The following MAGI1 variants were observed in gnomAD, a reference collection of about 807,000 sequenced individuals.
MAGI1 encodes membrane associated guanylate kinase, WW and PDZ domain containing 1, also known as membrane-associated guanylate kinase, WW and PDZ domain-containing protein 1.
A neutral mutation model predicts 139.9 loss-of-function variants in MAGI1; 58 were observed. The observed-to-expected ratio is 0.41, with a 90% CI of 0.34 to 0.52. MAGI1 has a LOEUF of 0.52. MAGI1 is among the 20% of genes least tolerant of loss of function. The probability of loss-of-function intolerance (pLI) is 0.12; values close to 1 mark genes in which losing one functional copy is unlikely to be tolerated. For missense variants in MAGI1, 1,874 were observed against 1,901.6 expected (o/e 0.99, Z 0.27); for synonymous variants, 812 against 737.9 (o/e 1.10, Z -1.63).
At chr3:65,642,920 G>A (rs2085060532) in intron 1 of MAGI1, among the ~76,000 whole-genome samples, 1 of 152,232 alleles carries the variant, frequency 6.6e-6, no homozygotes, top group Admixed American at 6.5e-5. Flanking sequence ...TTTGAGTGGT[G>A]CAAGCCAAAT....
intron 1 of MAGI1, among the ~76,000 whole-genome samples, chr3:65,907,935 C>T (rs1575975485): frequency 1.3e-5 from 2 of 152,300 alleles, no homozygotes; most frequent in Non-Finnish European, 2.9e-5. Flanking sequence ...ACCCCGGCTC[C>T]ATCACTCTCT....
intron 1 of MAGI1, among the ~76,000 whole-genome samples, chr3:65,930,315 C>CAAAAAAAAAAAAAAAAAAA (rs58258730): frequency 8.0e-5 from 7 of 87,628 alleles, no homozygotes; most frequent in Non-Finnish European, 1.6e-4. Context: ...GACTCCGTCT[C>CAAAAAAAAAAAAAAAAAAA]AAAAAAAAAA....
intron 1 of MAGI1, among the ~76,000 whole-genome samples, chr3:65,918,775 G>C (rs916424431): frequency 9.9e-5 from 15 of 152,068 alleles, no homozygotes; most frequent in African/African-American, 3.6e-4. Context: ...ATTATTGTTT[G>C]CTTAAATTCA....
At chr3:65,504,402 G>A (rs2107713812) in intron 2 of MAGI1, among the ~76,000 whole-genome samples, 1 of 152,320 alleles carries the variant, frequency 6.6e-6, no homozygotes, top group African/African-American at 2.4e-5. Context: ...CTATAAAGTA[G>A]TTAATATTAT....
chr3:66,038,360 C>G lies in MAGI1; in HGVS notation c.-52G>C. 1 of 1,506,932 alleles carries G rather than the reference C, an allele frequency of 6.6e-7. No individual in the cohort carries two copies. The highest frequency in any genetic ancestry group is 1.3e-5 in the South Asian group (1 of 75,606). 93.3% of individuals were successfully genotyped at this position (1,506,932 alleles called of 1,614,324 possible). A position where few individuals can be genotyped will look rare whatever the true frequency, so the allele number is the denominator to read the frequency against. On this transcript the variant is annotated 5_prime_UTR_variant, in exon 1 of 23. Transcript: ENST00000402939. ...AATAAAACGAGAGACAGGTGCCCCC[C>G]ACAGCACGAGCCCCCAAGCCTCCGC...
At chr3:66,008,816 G>C (rs1195142198) in intron 1 of MAGI1, 2 of 152,450 alleles carry the variant, frequency 1.3e-5, no homozygotes, top group Admixed American at 6.5e-5. Flanking sequence ...AAGCTGGCCG[G>C]GGGGCAGGGG....
intron 1 of MAGI1, among the ~76,000 whole-genome samples, chr3:65,753,133 T>C (rs2036285339): frequency 6.6e-6 from 1 of 152,134 alleles, no homozygotes; most frequent in Non-Finnish European, 1.5e-5. Flanking sequence ...ACACCAAAGA[T>C]GGCAGAGACC....
intron 14 of MAGI1, among the ~76,000 whole-genome samples, chr3:65,385,161 A>G (rs1256351843): frequency 2.6e-5 from 4 of 152,216 alleles, no homozygotes; most frequent in Non-Finnish European, 5.9e-5. Context: ...TTTAAAATGA[A>G]TATCTTGTTT....
At chr3:65,840,738 T>C (rs1274175571) in intron 1 of MAGI1, among the ~76,000 whole-genome samples, 1 of 152,116 alleles carries the variant, frequency 6.6e-6, no homozygotes, top group East Asian at 1.9e-4. Context: ...CTGTAGCTGT[T>C]TGTTTTGTTT....
intron 12 of MAGI1, among the ~76,000 whole-genome samples, chr3:65,417,819 AT>A (rs1021923917): frequency 2.6e-5 from 4 of 152,026 alleles, no homozygotes; most frequent in Non-Finnish European, 2.9e-5. Flanking sequence ...ATCTGAAAAT[AT>A]TTTTTTTAAG....
chr3:65,370,403 A>T (rs940253260), intron 18 of MAGI1, among the ~76,000 whole-genome samples: 3 of 152,260 alleles, frequency 2.0e-5, no homozygotes, highest in Non-Finnish European at 4.4e-5. Context: ...ATCTTGGATG[A>T]AATCACATGC....
intron 2 of MAGI1, among the ~76,000 whole-genome samples, chr3:65,563,055 AT>A (rs977280718): frequency 3.3e-4 from 50 of 152,154 alleles, no homozygotes; most frequent in African/African-American, 1.2e-3. Context: ...AGTGCTTTAG[AT>A]TTTTTATGAC....
chr3:65,772,433 T>G (rs1438282931), intron 1 of MAGI1, among the ~76,000 whole-genome samples: 1 of 151,892 alleles, frequency 6.6e-6, no homozygotes, highest in Non-Finnish European at 1.5e-5. Flanking sequence ...ACCACAGGAG[T>G]GGGCATGGGA....
At chr3:65,568,696 C>G (rs576034106) in intron 2 of MAGI1, among the ~76,000 whole-genome samples, 1 of 152,172 alleles carries the variant, frequency 6.6e-6, no homozygotes, top group African/African-American at 2.4e-5. Context: ...GGATTGCTGC[C>G]AAGTTTGCTC....
chr3:65,750,861 C>A (rs944319536), intron 1 of MAGI1, among the ~76,000 whole-genome samples: 2 of 152,188 alleles, frequency 1.3e-5, no homozygotes, highest in East Asian at 3.8e-4. Flanking sequence ...AAACATAGTA[C>A]TACTTGAAAT....
chr3:65,705,052 T>C (rs1479374824), intron 1 of MAGI1, among the ~76,000 whole-genome samples: 1 of 152,110 alleles, frequency 6.6e-6, no homozygotes, highest in Admixed American at 6.6e-5. Flanking sequence ...ATTCATCTTA[T>C]ATTACTTTCA....
intron 1 of MAGI1, among the ~76,000 whole-genome samples, chr3:65,881,775 A>C (rs1211233797): frequency 6.6e-6 from 1 of 152,210 alleles, no homozygotes. Context: ...TTCAGCTCCT[A>C]GTGTTCATCC....
At chr3:65,478,083 G>A (rs7632998) in intron 4 of MAGI1, among the ~76,000 whole-genome samples, 83,431 of 151,934 alleles carry the variant, frequency 0.55, 24,572 homozygotes, top group East Asian at 0.94. Flanking sequence ...ACAATTTTGC[G>A]TAAGTTAACT....
At chr3:65,867,123 T>G (rs942204680) in intron 1 of MAGI1, among the ~76,000 whole-genome samples, 2 of 152,288 alleles carry the variant, frequency 1.3e-5, no homozygotes, top group East Asian at 3.9e-4. Context: ...TCTCACAAGG[T>G]TGTTGTGAAG....
Sources: gnomAD v4.1 joint callset for allele counts (sites outside exome capture counted in the v4.1 genomes callset) on GRCh38, gnomAD v4.1.1 for gene constraint, MANE v1.5 for transcripts, NCBI Gene and HGNC (gene_info 2026-07-23, HGNC 2026-07-21) for gene names.